Variants in CUL5 observed in about 807,000 individuals in gnomAD.
The protein encoded by CUL5 is cullin-5.
In CUL5, 26 loss-of-function variants were observed where a neutral mutation model predicts 108.8. That is an observed-to-expected ratio of 0.24 (90% CI 0.18 to 0.33). The LOEUF is 0.33. Ranked by LOEUF, CUL5 falls within the 10% of genes least tolerant of loss-of-function variation. The probability of loss-of-function intolerance (pLI) is 1.00; values close to 1 mark genes in which losing one functional copy is unlikely to be tolerated. For missense variants in CUL5, 524 were observed against 909.2 expected (o/e 0.58, Z 5.45); for synonymous variants, 334 against 298.0 (o/e 1.12, Z -1.25).
At chr11:108,027,630 A>G (rs1862483736) in intron 1 of CUL5, among the ~76,000 whole-genome samples, 1 of 151,962 alleles carries the variant, frequency 6.6e-6, no homozygotes, top group African/African-American at 2.4e-5. Context: ...GCTGGTCTCG[A>G]ACTCCTGGGC....
rs1026106159 is a variant in CUL5 at position 108,009,359 on chromosome 11, C to G, written c.11C>G (p.Ser4Cys). 6.2e-7 allele frequency: 1 copy of G among 1,613,348 alleles called. No homozygotes were observed. The highest frequency in any genetic ancestry group is 1.7e-5 in the Admixed American group (1 of 59,958). Residue 4 changes from serine (S) to cysteine (C), a missense_variant, in exon 1 of 19, where the codon TCT becomes TGT. Coordinates refer to ENST00000393094, the MANE Select transcript of CUL5 (RefSeq NM_003478.6). MAT[S>C]NLLKNKGSLQ... Reference sequence around the variant, plus strand: ...TCCAAGTTAAAGAACATGGCGACGTCTAATCTGTTAAAGGTAAGACCCTCA... The same window carrying G: ...TCCAAGTTAAAGAACATGGCGACGTGTAATCTGTTAAAGGTAAGACCCTCA...
intron 4 of CUL5, among the ~76,000 whole-genome samples, chr11:108,051,753 CAT>C (rs1374660368): frequency 6.6e-6 from 1 of 152,160 alleles, no homozygotes; most frequent in African/African-American, 2.4e-5. Flanking sequence ...TCTTTACAAA[CAT>C]ATGCATATGT....
rs1450713212 is a variant in CUL5 at position 108,009,272 on chromosome 11, C to A, written c.-77C>A. The stretch of plus-strand genomic sequence containing the variant: ...GACGGGCCCTGGGCCCTGGTGGGAG[C>A]TCCGGCCTCCGGTCAAGGCCTGGCC... On this transcript the variant is annotated 5_prime_UTR_variant, in exon 1 of 19. Transcript: ENST00000393094. 5.2e-6 allele frequency: 8 copies of A among 1,544,284 alleles called. No individual in the cohort carries two copies. Among genetic ancestry groups the A allele is most frequent in the African/African-American group, 1.4e-5 (1 of 73,752 alleles).
At chr11:108,091,695 T>TCACACACACACACA (rs71303233) in intron 13 of CUL5, among the ~76,000 whole-genome samples, 4,771 of 138,044 alleles carry the variant, frequency 0.035, 126 homozygotes, top group Non-Finnish European at 0.039. Context: ...TCTCTCTCAC[T>TCACACACACACACA]CACACACACA....
intron 3 of CUL5, chr11:108,046,572 T>A: frequency 2.2e-6 from 1 of 447,320 alleles, no homozygotes; most frequent in East Asian, 4.0e-5. Context: ...GTCAAGAGAG[T>A]ACATATTATA....
At chr11:108,069,143 G>A (rs539051460) in intron 7 of CUL5, among the ~76,000 whole-genome samples, 5 of 152,220 alleles carry the variant, frequency 3.3e-5, no homozygotes, top group Middle Eastern at 3.4e-3. Context: ...TGTAGTCCTA[G>A]CTACTCAAGA....
Position 108,023,094 on chromosome 11 carries a change from A to AT in CUL5, c.25-10707dup, listed in dbSNP as rs746554488. The stretch of plus-strand genomic sequence containing the variant: ...TGAAACCCCACCTCTACTAAAAAAA[A>AT]TAGCCGGGCATGGTGGCACATGCCT... On this transcript the variant is annotated intron_variant, in intron 1 of 18. Coordinates refer to ENST00000393094, the MANE Select transcript of CUL5 (RefSeq NM_003478.6). Among the ~76,000 whole-genome samples, 18 of 152,274 alleles carry AT rather than the reference A, an allele frequency of 1.2e-4. No individual in the cohort carries two copies. The South Asian group carries it at 3.5e-3, about 30-fold the overall frequency.
At chr11:108,067,584 T>A (rs1863718362) in intron 7 of CUL5, among the ~76,000 whole-genome samples, 1 of 152,086 alleles carries the variant, frequency 6.6e-6, no homozygotes, top group Non-Finnish European at 1.5e-5. Context: ...AAAACTGATT[T>A]CACAACATAC....
At position 108,085,334 on chromosome 11, in the gene CUL5, A is replaced by G. The variant is rs77539923; in HGVS notation, c.1179-3193A>G. ...TCAAATAAGCCAGACACATAAGGAC[A>G]AATTTTGCATGAATATGGTTGTATG... is the stretch of plus-strand genomic sequence containing the variant. On this transcript the variant is annotated intron_variant, in intron 11 of 18. Transcript: ENST00000393094. Among the ~76,000 whole-genome samples the G allele has an allele frequency of 1.7e-3, 261 of 152,276 alleles. 6 individuals carry two copies. In the East Asian group the frequency reaches 0.048, roughly 28 times the overall value.
chr11:108,052,615 A>G, intron 4 of CUL5, 45 bp from the exon 5 acceptor site: 1 of 1,526,124 alleles, frequency 6.6e-7, no homozygotes, highest in Non-Finnish European at 9.0e-7. Flanking sequence ...TACTTTGTAT[A>G]TTAATAATTG....
At chr11:108,075,391 A>G (rs1286370389) in intron 10 of CUL5, among the ~76,000 whole-genome samples, 2 of 152,216 alleles carry the variant, frequency 1.3e-5, no homozygotes, top group Admixed American at 6.5e-5. Context: ...TAGGCAACAC[A>G]TATTTCTGCA....
intron 12 of CUL5, 77 bp downstream of exon 12, chr11:108,088,736 G>A: frequency 9.0e-7 from 1 of 1,111,958 alleles, no homozygotes; most frequent in South Asian, 1.9e-5. Flanking sequence ...GACTTTCTGT[G>A]ATAGTATCAA....
At chr11:108,075,449 TG>T (rs1471403659) in intron 10 of CUL5, among the ~76,000 whole-genome samples, 1 of 152,056 alleles carries the variant, frequency 6.6e-6, no homozygotes, top group Non-Finnish European at 1.5e-5. Context: ...ATACTAATAG[TG>T]GGAAAAGTAT....
At chr11:108,065,801 T>C (rs964285108) in intron 7 of CUL5, among the ~76,000 whole-genome samples, 2 of 152,156 alleles carry the variant, frequency 1.3e-5, no homozygotes, top group African/African-American at 4.8e-5. Context: ...GAAGGTGTTT[T>C]TTTGTGTGTA....
intron 7 of CUL5, among the ~76,000 whole-genome samples, chr11:108,057,580 A>G (rs934699548): frequency 1.3e-5 from 2 of 152,206 alleles, no homozygotes; most frequent in African/African-American, 2.4e-5. Context: ...AAACAATCGC[A>G]AATTGATAGC....
At chr11:108,040,468 TG>T (rs1862867625) in intron 2 of CUL5, among the ~76,000 whole-genome samples, 1 of 152,048 alleles carries the variant, frequency 6.6e-6, no homozygotes, top group Admixed American at 6.6e-5. Flanking sequence ...AAAAATCGGC[TG>T]GGTGTGGTGT....
intron 2 of CUL5, among the ~76,000 whole-genome samples, chr11:108,044,504 T>A (rs1211055714): frequency 1.0e-5 from 1 of 95,298 alleles, no homozygotes; most frequent in African/African-American, 3.0e-5. Flanking sequence ...TGAGACAGTG[T>A]CTCAAAAAAA....
At chr11:108,020,999 A>G (rs1249027677) in intron 1 of CUL5, among the ~76,000 whole-genome samples, 7 of 152,066 alleles carry the variant, frequency 4.6e-5, no homozygotes, top group South Asian at 2.1e-4. Flanking sequence ...TACCTTTTCT[A>G]TGTTTAGATA....
chr11:108,096,564 CTTTTTTTTTTTTTTT>C (rs71047671), intron 16 of CUL5, among the ~76,000 whole-genome samples: 1 of 45,820 alleles, frequency 2.2e-5, no homozygotes, highest in Non-Finnish European at 3.8e-5. Flanking sequence ...CAGCTATGTA[CTTTTTTTTTTTTTTT>C]TTTTTTTTTT....
Sources: gnomAD v4.1 joint callset for allele counts (sites outside exome capture counted in the v4.1 genomes callset) on GRCh38, gnomAD v4.1.1 for gene constraint, MANE v1.5 for transcripts, NCBI Gene and HGNC (gene_info 2026-07-23, HGNC 2026-07-21) for gene names.